Variants in FAM220A observed in about 807,000 individuals in gnomAD.
FAM220A encodes family with sequence similarity 220 member A.
For synonymous variants in FAM220A, 141 were observed against 130.7 expected, an observed-to-expected ratio of 1.08 and a Z score of -0.54; for missense variants, 392 against 321.6, an observed-to-expected ratio of 1.22 and a Z score of -1.68.
rs1223883811 is a variant in FAM220A, at chr7:6,337,073, C to CTTTT, written c.-81-5842_-81-5839dup. On this transcript the variant is annotated intron_variant, in intron 1 of 1. Coordinates refer to ENST00000313324, the MANE Select transcript of FAM220A (RefSeq NM_001037163.2). ...ATATGTTGAAATAGGTATTTTAATT[C>CTTTT]TTTTTTTTTTTTTGAGACAAGAGTC... Among the ~76,000 whole-genome samples the CTTTT allele has an allele frequency of 4.8e-5, 7 of 144,934 alleles. No individual in the cohort carries two copies. In the South Asian group the frequency reaches 8.8e-4, roughly 18 times the overall value.
intron 1 of FAM220A, among the ~76,000 whole-genome samples, chr7:6,347,883 TTTATTATTATTATTATTATTATTA>T (rs143253434): frequency 7.6e-6 from 1 of 131,538 alleles, no homozygotes; most frequent in African/African-American, 2.8e-5. Flanking sequence ...ACGAGACCCC[TTTATTATTATTATTATTATTATTA>T]TTATTATTAT....
intron 1 of FAM220A, among the ~76,000 whole-genome samples, chr7:6,345,022 G>A (rs10235108): frequency 0.028 from 4,291 of 152,124 alleles, 187 homozygotes; most frequent in African/African-American, 0.088. Flanking sequence ...ATTTACAGGC[G>A]TAAATCCCAC....
At chr7:6,348,375 AC>A (rs1206830598) in intron 1 of FAM220A, among the ~76,000 whole-genome samples, 197 bp downstream of exon 1, 1 of 151,904 alleles carries the variant, frequency 6.6e-6, no homozygotes, top group Non-Finnish European at 1.5e-5. Context: ...GCTTAACCTG[AC>A]CCCCAGTGCC....
chr7:6,333,840 CTTTT>C (rs904989717), intron 1 of FAM220A, among the ~76,000 whole-genome samples: 22 of 96,818 alleles, frequency 2.3e-4, no homozygotes, highest in South Asian at 7.1e-4. Flanking sequence ...CTCCTGGCCT[CTTTT>C]TTTTTTTTTT....
intron 1 of FAM220A, among the ~76,000 whole-genome samples, chr7:6,347,928 G>T: frequency 1.1e-5 from 1 of 91,196 alleles, no homozygotes; most frequent in African/African-American, 3.9e-5. Flanking sequence ...TATTATTATT[G>T]AGATGGAGTT....
chr7:6,344,270 T>C (rs1213720472), intron 1 of FAM220A, among the ~76,000 whole-genome samples: 3 of 152,190 alleles, frequency 2.0e-5, no homozygotes, highest in Non-Finnish European at 2.9e-5. Flanking sequence ...TTAGTGTTTT[T>C]TCACAAATGA....
intron 1 of FAM220A, among the ~76,000 whole-genome samples, chr7:6,340,485 G>A (rs974181407): frequency 2.7e-4 from 41 of 152,230 alleles, no homozygotes; most frequent in South Asian, 1.0e-3. Flanking sequence ...GCTGAAGCAC[G>A]GAGGCCGTGC....
At chr7:6,334,135 C>G (rs190183741) in intron 1 of FAM220A, among the ~76,000 whole-genome samples, 2 of 151,096 alleles carry the variant, frequency 1.3e-5, no homozygotes, top group African/African-American at 2.4e-5. Context: ...CGTGAGCCAC[C>G]GCACCCAGCC....
At chr7:6,348,357 G>A (rs1317210002) in intron 1 of FAM220A, among the ~76,000 whole-genome samples, 1 of 152,136 alleles carries the variant, frequency 6.6e-6, no homozygotes, top group Non-Finnish European at 1.5e-5. Flanking sequence ...CCTTCCCCAA[G>A]GCAAGTCGCT....
At chr7:6,334,671 GC>G (rs1309077916) in intron 1 of FAM220A, among the ~76,000 whole-genome samples, 1 of 152,006 alleles carries the variant, frequency 6.6e-6, no homozygotes, top group Non-Finnish European at 1.5e-5. Context: ...TCCACGAGTT[GC>G]CCAGGCTGGT....
chr7:6,348,096 G>A (rs971838931), intron 1 of FAM220A, among the ~76,000 whole-genome samples: 8 of 151,346 alleles, frequency 5.3e-5, no homozygotes, highest in African/African-American at 1.9e-4. Context: ...TTTTAGTAGA[G>A]ACGGGGTTTC....
Position 6,330,822 on chromosome 7 carries a change from T to A in FAM220A, c.333A>T (p.Thr111=). ...STAVGLFPAP[T]ECFARVSCSG... ...TGCAGGACACCCGAGCAAAACACTCTGTTGGAGCAGGGAACAAACCCACGG... is the reference window on the plus strand; with the variant it reads ...TGCAGGACACCCGAGCAAAACACTCAGTTGGAGCAGGGAACAAACCCACGG... Residue 111 remains threonine (T), a synonymous_variant, in exon 2 of 2, where the codon ACA becomes ACT. Coordinates refer to ENST00000313324, the MANE Select transcript of FAM220A (RefSeq NM_001037163.2). 6.2e-7 allele frequency: 1 copy of A among 1,614,162 alleles called. No individual in the cohort carries two copies. Among genetic ancestry groups the A allele is most frequent in the Admixed American group, 1.7e-5 (1 of 60,004 alleles).
chr7:6,347,490 T>C (rs1442449002), intron 1 of FAM220A, among the ~76,000 whole-genome samples: 3 of 151,344 alleles, frequency 2.0e-5, no homozygotes, highest in African/African-American at 4.9e-5. Context: ...CACTCCAGCT[T>C]GGGCAAGAGT....
intron 1 of FAM220A, among the ~76,000 whole-genome samples, chr7:6,332,517 A>C (rs915889468): frequency 6.6e-6 from 1 of 152,144 alleles, no homozygotes; most frequent in African/African-American, 2.4e-5. Context: ...GTGTTCACTT[A>C]AAAAACACCA....
At chr7:6,343,662 G>T (rs114668644) in intron 1 of FAM220A, among the ~76,000 whole-genome samples, 1 of 151,836 alleles carries the variant, frequency 6.6e-6, no homozygotes, top group African/African-American at 2.4e-5. Context: ...AGGCTTGCTT[G>T]CAAATAGTAT....
intron 1 of FAM220A, among the ~76,000 whole-genome samples, chr7:6,347,492 G>A (rs547138507): frequency 3.3e-5 from 5 of 151,722 alleles, no homozygotes; most frequent in Admixed American, 2.6e-4. Context: ...CTCCAGCTTG[G>A]GCAAGAGTAA....
rs1158018309 is a variant in FAM220A at position 6,331,057 on chromosome 7, C to G, written c.98G>C (p.Arg33Thr). 12 of 1,613,698 alleles carry G rather than the reference C, an allele frequency of 7.4e-6. No homozygotes were observed. The highest frequency in any genetic ancestry group is 1.0e-5 in the Non-Finnish European group (12 of 1,180,022). The stretch of plus-strand genomic sequence containing the variant: ...TGCAGGCCAAGGGCCCTCCGGCATT[C>G]TTTTCTTAAGGCTGCATGATAGTTT... Reference protein sequence around the residue: ...SDKLSCSLKKRMPEGPWPADA... With the variant: ...SDKLSCSLKKTMPEGPWPADA... Residue 33 changes from arginine to threonine, a missense_variant, in exon 2 of 2, where the codon AGA becomes ACA. By Grantham distance (71) the Arg-to-Thr change is moderately conservative. Transcript: ENST00000313324.
Position 6,330,005 on chromosome 7 carries a change from T to C in FAM220A, c.*370A>G, listed in dbSNP as rs774233297. 10 of 240,826 alleles carry C rather than the reference T, an allele frequency of 4.2e-5. No individual in the cohort carries two copies. The highest frequency in any genetic ancestry group is 1.2e-4 in the African/African-American group (5 of 42,618). The allele number at this position is 240,826 out of a possible 1,614,324, so 14.9% of individuals were successfully genotyped here. ...TAGACTTTACAAGTATCCACTTCCA[T>C]TGGGTGATCAGACAAGTCAAAAGGA... On this transcript the variant is annotated 3_prime_UTR_variant, in exon 2 of 2. Transcript: ENST00000313324.
chr7:6,338,894 G>A (rs1165031752), intron 1 of FAM220A, among the ~76,000 whole-genome samples: 1 of 152,194 alleles, frequency 6.6e-6, no homozygotes, highest in Non-Finnish European at 1.5e-5. Context: ...GGGCCGCGGT[G>A]GGCCTTGAGG....
Sources: allele counts gnomAD v4.1 joint callset (sites outside exome capture counted in the v4.1 genomes callset), GRCh38; gene constraint gnomAD v4.1.1; transcripts MANE v1.5; gene names NCBI Gene and HGNC (gene_info 2026-07-23, HGNC 2026-07-21).